Variants in ASB4 observed in about 807,000 individuals in gnomAD.
ASB4 encodes ankyrin repeat and SOCS box protein 4.
Under a neutral mutation model 38.6 loss-of-function variants are expected in ASB4, and 35 were observed. The ratio of observed to expected loss-of-function variants is 0.91; its 90% CI spans 0.69 to 1.20. The LOEUF is 1.20. Among genes scored for constraint, ASB4 ranks in the 50% most tolerant of loss-of-function variants. The pLI is 0.00. For missense variants in ASB4, 557 were observed against 527.2 expected, an observed-to-expected ratio of 1.06 and a Z score of -0.55; for synonymous variants, 195 against 201.3, an observed-to-expected ratio of 0.97 and a Z score of 0.26.
intron 4 of ASB4, 48 bp downstream of exon 4, chr7:95,536,598 A>G (rs371417017): frequency 7.3e-7 from 1 of 1,367,066 alleles, no homozygotes; most frequent in Non-Finnish European, 1.0e-6. Context: ...AAGTACTTCC[A>G]GACTGCTCTA....
At chr7:95,511,627 A>G (rs1471191252) in intron 2 of ASB4, among the ~76,000 whole-genome samples, 1 of 151,460 alleles carries the variant, frequency 6.6e-6, no homozygotes, top group Non-Finnish European at 1.5e-5. Context: ...GCGCCATTGC[A>G]CTCCAGCCTG....
At chr7:95,550,425 C>G in the ASB4 span, among the ~76,000 whole-genome samples, 2 of 152,148 alleles carry the variant, frequency 1.3e-5, no homozygotes, top group African/African-American at 4.8e-5. Flanking sequence ...AATAGACAAG[C>G]AAGGCTTCTC....
At chr7:95,535,232 C>T (rs1790874012) in intron 3 of ASB4, among the ~76,000 whole-genome samples, 1 of 152,230 alleles carries the variant, frequency 6.6e-6, no homozygotes, top group African/African-American at 2.4e-5. Flanking sequence ...CAACACATTT[C>T]CCTATGGAGA....
upstream of ASB4, among the ~76,000 whole-genome samples, chr7:95,485,594 G>C (rs1276273541): frequency 1.3e-5 from 2 of 152,130 alleles, no homozygotes; most frequent in African/African-American, 4.8e-5. Flanking sequence ...TGGATCTCCA[G>C]CCAGGCACCA....
rs1035712940 is a variant in ASB4 at position 95,539,333 on chromosome 7, T to C, written c.*1574T>C. On this transcript the variant is annotated 3_prime_UTR_variant, in exon 5 of 5. Transcript: ENST00000325885. ...CTCAGTTGAGACTGTGCTTCTGAACTGGGATTGTCTTACTCCCAGGGCTGT... is the reference window on the plus strand; with the variant it reads ...CTCAGTTGAGACTGTGCTTCTGAACCGGGATTGTCTTACTCCCAGGGCTGT... The C allele has an allele frequency of 6.6e-6, 1 of 152,350 alleles. No homozygotes were observed. Among genetic ancestry groups the C allele is most frequent in the Admixed American group, 6.5e-5 (1 of 15,304 alleles). 9.4% of individuals were successfully genotyped at this position (152,350 alleles called of 1,614,324 possible). A position where few individuals can be genotyped will look rare whatever the true frequency, so the allele number is the denominator to read the frequency against.
chr7:95,497,313 C>A (rs562423811), intron 2 of ASB4, among the ~76,000 whole-genome samples: 1 of 152,116 alleles, frequency 6.6e-6, no homozygotes, highest in South Asian at 2.1e-4. Flanking sequence ...GTGGCTTGCA[C>A]CAGGGGCAAG....
downstream of ASB4, chr7:95,543,725 G>A (rs1164853758): frequency 1.3e-5 from 2 of 152,192 alleles, no homozygotes; most frequent in South Asian, 2.1e-4. Flanking sequence ...CTTGATGCAC[G>A]TAGATGAACA....
At chr7:95,534,859 A>G (rs113969641) in intron 3 of ASB4, among the ~76,000 whole-genome samples, 2 of 152,346 alleles carry the variant, frequency 1.3e-5, no homozygotes, top group African/African-American at 4.8e-5. Context: ...TGGAATGGAT[A>G]GGTTGAATAT....
At chr7:95,518,933 T>C (rs1296090418) in intron 2 of ASB4, among the ~76,000 whole-genome samples, 3 of 152,118 alleles carry the variant, frequency 2.0e-5, no homozygotes, top group African/African-American at 7.2e-5. Flanking sequence ...AGATTATAGA[T>C]AAGAAGAAAT....
intron 3 of ASB4, among the ~76,000 whole-genome samples, chr7:95,532,550 C>A (rs1429843009): frequency 1.3e-5 from 2 of 152,068 alleles, no homozygotes; most frequent in Non-Finnish European, 2.9e-5. Flanking sequence ...TGCCATTGAA[C>A]AATGCTGTAT....
At chr7:95,495,388 T>A (rs1790230444) in intron 1 of ASB4, among the ~76,000 whole-genome samples, 1 of 152,110 alleles carries the variant, frequency 6.6e-6, no homozygotes. Flanking sequence ...TTTAAAAAAA[T>A]ATCCTTGAAG....
At chr7:95,529,616 A>G (rs1482948804) in intron 3 of ASB4, among the ~76,000 whole-genome samples, 1 of 152,202 alleles carries the variant, frequency 6.6e-6, no homozygotes, top group African/African-American at 2.4e-5. Context: ...CAGGATGCTA[A>G]TGGAAGATTA....
At position 95,523,476 on chromosome 7, in the gene ASB4, A is replaced by T. The variant is rs1178138784; in HGVS notation, c.488-4337A>T. On this transcript the variant is annotated intron_variant, in intron 2 of 4. Coordinates refer to ENST00000325885, the MANE Select transcript of ASB4 (RefSeq NM_016116.3). ...TAATAATTACAGAGAAAGTGTCTAA[A>T]CTCTAATAATCAAATGAATTCGGAT... Among the ~76,000 whole-genome samples the T allele has an allele frequency of 2.0e-5, 3 of 152,344 alleles. No homozygotes were observed. In the East Asian group the frequency reaches 5.8e-4, roughly 29 times the overall value.
upstream of ASB4, among the ~76,000 whole-genome samples, chr7:95,475,676 G>A (rs909855906): frequency 1.3e-4 from 20 of 152,196 alleles, no homozygotes; most frequent in Non-Finnish European, 2.8e-4. Flanking sequence ...GAGCCACCGT[G>A]CCCGGCCTTG....
At chr7:95,503,886 C>T (rs569938125) in intron 2 of ASB4, among the ~76,000 whole-genome samples, 1 of 152,224 alleles carries the variant, frequency 6.6e-6, no homozygotes, top group South Asian at 2.1e-4. Context: ...AAAGGATTTT[C>T]CCCTATTTTT....
At chr7:95,481,452 A>G (rs1465550950), upstream of ASB4, among the ~76,000 whole-genome samples, 1 of 152,230 alleles carries the variant, frequency 6.6e-6, no homozygotes, top group African/African-American at 2.4e-5. Flanking sequence ...CAGACCACTT[A>G]ATCATCCATT....
intron 2 of ASB4, among the ~76,000 whole-genome samples, chr7:95,507,646 G>T (rs1231329497): frequency 6.6e-6 from 1 of 152,126 alleles, no homozygotes; most frequent in Non-Finnish European, 1.5e-5. Context: ...TACATATTGG[G>T]TGTTGATTGT....
intron 2 of ASB4, among the ~76,000 whole-genome samples, chr7:95,516,745 T>A (rs1457340725): frequency 6.6e-6 from 1 of 152,252 alleles, no homozygotes; most frequent in East Asian, 1.9e-4. Flanking sequence ...GTTTTCCTAT[T>A]CCTTCACTGG....
At chr7:95,520,277 C>T (rs1790642919) in intron 2 of ASB4, among the ~76,000 whole-genome samples, 1 of 152,172 alleles carries the variant, frequency 6.6e-6, no homozygotes, top group African/African-American at 2.4e-5. Context: ...ACAAAATATA[C>T]CATTAACAGC....
Sources: allele counts gnomAD v4.1 joint callset (sites outside exome capture counted in the v4.1 genomes callset), GRCh38; gene constraint gnomAD v4.1.1; transcripts MANE v1.5; gene names NCBI Gene and HGNC (gene_info 2026-07-23, HGNC 2026-07-21).